Variants in LSAMP observed in about 807,000 individuals in gnomAD.
The protein encoded by LSAMP is limbic system associated membrane protein.
A neutral mutation model predicts 38.6 loss-of-function variants in LSAMP; 7 were observed. The observed-to-expected ratio is 0.18, with a 90% CI of 0.10 to 0.34. The LOEUF is 0.34. LSAMP is among the 10% of genes least tolerant of loss of function. The pLI is 1.00. For missense variants in LSAMP, 313 were observed against 420.0 expected (o/e 0.75, Z 2.23); for synonymous variants, 154 against 166.8 (o/e 0.92, Z 0.59).
chr3:116,079,631 CAAAAA>C (rs34038261), intron 2 of LSAMP, among the ~76,000 whole-genome samples: 1 of 86,124 alleles, frequency 1.2e-5, no homozygotes, highest in Admixed American at 1.3e-4. Flanking sequence ...GACTCTGTCT[CAAAAA>C]AAAAAAAAAA....
At chr3:116,260,826 A>C (rs2046816909) in intron 1 of LSAMP, among the ~76,000 whole-genome samples, 1 of 152,116 alleles carries the variant, frequency 6.6e-6, no homozygotes, top group Non-Finnish European at 1.5e-5. Context: ...CTAAGACCTA[A>C]AGTCTAAGGC....
chr3:116,390,739 C>CAAAAAAAAA (rs60344430), intron 1 of LSAMP, among the ~76,000 whole-genome samples: 1 of 55,998 alleles, frequency 1.8e-5, no homozygotes, highest in Non-Finnish European at 3.6e-5. Context: ...GACTCCGCCT[C>CAAAAAAAAA]AAAAAAAAAA....
intron 3 of LSAMP, among the ~76,000 whole-genome samples, chr3:115,881,037 A>AAAATAAAT (rs141822663): frequency 0.068 from 9,670 of 142,866 alleles, 675 homozygotes; most frequent in African/African-American, 0.18. Flanking sequence ...CTCTGTCTCA[A>AAAATAAAT]AAATAAATAA....
intron 1 of LSAMP, among the ~76,000 whole-genome samples, chr3:116,194,571 G>GT (rs1489627022): frequency 6.6e-6 from 1 of 152,028 alleles, no homozygotes; most frequent in Non-Finnish European, 1.5e-5. Context: ...ATTTTTTCGT[G>GT]TTTTTTAGTA....
chr3:115,887,432 G>C (rs1936484189), intron 3 of LSAMP, among the ~76,000 whole-genome samples: 1 of 151,800 alleles, frequency 6.6e-6, no homozygotes, highest in Admixed American at 6.6e-5. Flanking sequence ...CCACTACCTT[G>C]CTCTTGATGA....
At chr3:116,351,638 G>A (rs1217207530) in intron 1 of LSAMP, among the ~76,000 whole-genome samples, 1 of 152,076 alleles carries the variant, frequency 6.6e-6, no homozygotes, top group Non-Finnish European at 1.5e-5. Context: ...GGAAACTACA[G>A]AATGGATGGC....
At chr3:116,202,884 A>C (rs113034707) in intron 1 of LSAMP, among the ~76,000 whole-genome samples, 5 of 152,158 alleles carry the variant, frequency 3.3e-5, no homozygotes, top group Admixed American at 6.5e-5. Flanking sequence ...TCAAGTCCCC[A>C]ATCATTAAGG....
chr3:116,313,798 A>T (rs1576118953), intron 1 of LSAMP, among the ~76,000 whole-genome samples: 1 of 152,294 alleles, frequency 6.6e-6, no homozygotes, highest in East Asian at 1.9e-4. Context: ...TACTAAAAAT[A>T]CAAAAATTAG....
rs1388881162 is a variant in LSAMP, at chr3:116,071,046, AAATAAAT to A, written c.388+15271_388+15277del. ...CAAGAATGAAACTCCATCTCAAAAT[AAATAAAT>A]AATAAATAAATAAATAAATAAATAA... On this transcript the variant is annotated intron_variant, in intron 2 of 6. Coordinates refer to ENST00000490035, the MANE Select transcript of LSAMP (RefSeq NM_002338.5). Among the ~76,000 whole-genome samples the A allele has an allele frequency of 2.7e-5, 3 of 110,690 alleles. No homozygotes were observed. In the South Asian group the frequency reaches 7.4e-4, roughly 27 times the overall value. 72.6% of individuals were successfully genotyped at this position (110,690 alleles called of 152,430 possible).
intron 1 of LSAMP, among the ~76,000 whole-genome samples, chr3:116,412,568 G>T (rs1380901978): frequency 1.3e-5 from 2 of 152,046 alleles, no homozygotes; most frequent in Non-Finnish European, 2.9e-5. Context: ...AGTACTGACA[G>T]CAAGTTCGTA....
Position 115,810,062 on chromosome 3 carries a change from T to A in LSAMP, c.*255A>T. On this transcript the variant is annotated 3_prime_UTR_variant, in exon 7 of 7. Transcript: ENST00000490035. Reference sequence around the variant, plus strand: ...ACACAGCATACATTTGCTTAGTAGATATAAACATATCCCAGTAGAACCTTC... The same window carrying A: ...ACACAGCATACATTTGCTTAGTAGAAATAAACATATCCCAGTAGAACCTTC... 1 of 426,888 alleles carries A rather than the reference T, an allele frequency of 2.3e-6. No homozygotes were observed. The highest frequency in any genetic ancestry group is 4.2e-6 in the Non-Finnish European group (1 of 236,612). 26.4% of individuals were successfully genotyped at this position (426,888 alleles called of 1,614,324 possible). A position where few individuals can be genotyped will look rare whatever the true frequency, so the allele number is the denominator to read the frequency against.
chr3:116,302,621 C>T (rs2047425141), intron 1 of LSAMP, among the ~76,000 whole-genome samples: 1 of 152,134 alleles, frequency 6.6e-6, no homozygotes, highest in African/African-American at 2.4e-5. Flanking sequence ...TTGATTTAGT[C>T]CAGATGGCTA....
rs1937524748 is a variant in LSAMP at position 115,928,394 on chromosome 3, C to T, written c.515-75777G>A. On this transcript the variant is annotated intron_variant, in intron 3 of 6. Transcript: ENST00000490035. Reference sequence around the variant, plus strand: ...AAAGAAGACAGTGCCTAGTAGTTCACAATGTGGATATGAAGAGAAGACATT... The same window carrying T: ...AAAGAAGACAGTGCCTAGTAGTTCATAATGTGGATATGAAGAGAAGACATT... 2.6e-5 allele frequency among the ~76,000 whole-genome samples: 4 copies of T among 152,288 alleles called. No individual in the cohort carries two copies. The South Asian group carries it at 8.3e-4, about 32-fold the overall frequency.
chr3:116,069,157 C>T (rs1368129238), intron 2 of LSAMP, among the ~76,000 whole-genome samples: 1 of 152,172 alleles, frequency 6.6e-6, no homozygotes, highest in East Asian at 1.9e-4. Flanking sequence ...CCTAACAGGC[C>T]TGCAAGGTTC....
chr3:115,903,681 A>T (rs1936937952), intron 3 of LSAMP, among the ~76,000 whole-genome samples: 3 of 152,092 alleles, frequency 2.0e-5, no homozygotes, highest in Admixed American at 2.0e-4. Context: ...TGGAAAGAGG[A>T]TAAGGTAAGT....
intron 1 of LSAMP, among the ~76,000 whole-genome samples, chr3:116,203,735 A>C (rs1318911974): frequency 6.6e-6 from 1 of 151,810 alleles, no homozygotes; most frequent in African/African-American, 2.4e-5. Context: ...TGAACTCATC[A>C]TTTTTTATGG....
chr3:116,036,599 C>A lies in LSAMP; in HGVS notation c.389-16959G>T, dbSNP rs971566141. ...AAACCTGTAAGTGGCTACTTCCAGG[C>A]CCCTAACCTATAAGTCACTGAGCCT... On this transcript the variant is annotated intron_variant, in intron 2 of 6. Transcript: ENST00000490035. Among the ~76,000 whole-genome samples, 84 of 152,278 alleles carry A rather than the reference C, an allele frequency of 5.5e-4. 1 individual carries two copies. Among genetic ancestry groups the A allele is most frequent in the African/African-American group, 1.9e-3 (77 of 41,582 alleles).
intron 2 of LSAMP, among the ~76,000 whole-genome samples, chr3:116,044,695 G>A (rs1941251333): frequency 6.6e-6 from 1 of 151,744 alleles, no homozygotes; most frequent in Non-Finnish European, 1.5e-5. Flanking sequence ...ACTGGTTTCT[G>A]ATTAGAAGGT....
intron 1 of LSAMP, among the ~76,000 whole-genome samples, chr3:116,321,079 A>G (rs2047700258): frequency 6.6e-6 from 1 of 152,188 alleles, no homozygotes; most frequent in African/African-American, 2.4e-5. Context: ...CTGTGAGTAT[A>G]TAAAGAATAG....
Sources: gnomAD v4.1 joint callset for allele counts (sites outside exome capture counted in the v4.1 genomes callset) on GRCh38, gnomAD v4.1.1 for gene constraint, MANE v1.5 for transcripts, NCBI Gene and HGNC (gene_info 2026-07-23, HGNC 2026-07-21) for gene names.